The following HAL variants were observed in gnomAD, a reference collection of about 807,000 sequenced individuals.
The protein encoded by HAL is histidine ammonia-lyase.
In HAL, 85 loss-of-function variants were observed where a neutral mutation model predicts 81.1. The ratio of observed to expected loss-of-function variants is 1.05; its 90% CI spans 0.88 to 1.25. HAL has a LOEUF of 1.25. Ranked by LOEUF, HAL falls within the 50% of genes most tolerant of loss-of-function variation. The pLI is 0.00. For synonymous variants in HAL, 301 were observed against 309.2 expected, an observed-to-expected ratio of 0.97 and a Z score of 0.28; for missense variants, 798 against 836.6, an observed-to-expected ratio of 0.95 and a Z score of 0.57.
At chr12:95,985,998 A>T (rs1949882366) in intron 13 of HAL, 32 bp from the exon 14 acceptor site, 1 of 1,596,620 alleles carries the variant, frequency 6.3e-7, no homozygotes, top group African/African-American at 1.3e-5. Flanking sequence ...TGAGACAGGG[A>T]TCATGTTACC....
In HAL at chr12:95,978,069, T is replaced by A. The variant is rs1411275160; in HGVS notation, c.1529A>T (p.Asn510Ile). The A allele has an allele frequency of 1.9e-6, 3 of 1,613,766 alleles. No homozygotes were observed. The highest frequency in any genetic ancestry group is 4.5e-5 in the East Asian group (2 of 44,890). The change falls in exon 18 of 21, where the codon AAC (asparagine) becomes ATC (isoleucine). Residue 510 changes from asparagine (N) to isoleucine (I), a missense_variant. Transcript: ENST00000261208. The stretch of plus-strand genomic sequence containing the variant: ...AGACGAGGGATGGCACAGAGCCTTG[T>A]TCTCAGAAACTGCAAGAGACCAGTG... ...HCTAAALVSE[N>I]KALCHPSSVD...
Position 95,994,159 on chromosome 12 carries a change from G to A in HAL, c.342C>T (p.Ile114=), listed in dbSNP as rs1342020839. ...YSKYREPEKY[I]ELDGDRLTTE... ...TGGTCAGACGGTCTCCATCTAACTC[G>A]ATGTACTACACAAAAGAAGGGGATC... Residue 114 remains isoleucine (I), a synonymous_variant, in exon 5 of 21, where the codon ATC becomes ATT. Coordinates refer to ENST00000261208, the MANE Select transcript of HAL (RefSeq NM_002108.4). The A allele has an allele frequency of 5.0e-6, 8 of 1,609,432 alleles. No individual in the cohort carries two copies. The highest frequency in any genetic ancestry group is 1.3e-5 in the African/African-American group (1 of 74,926).
rs2080747424 is a variant in HAL at position 95,978,211 on chromosome 12, G to A, written c.1520-133C>T. 2.4e-5 allele frequency: 18 copies of A among 753,154 alleles called. No individual in the cohort carries two copies. In the South Asian group the frequency reaches 2.7e-4, roughly 11 times the overall value. The allele number at this position is 753,154 out of a possible 1,614,324, so 46.7% of individuals were successfully genotyped here. A position where few individuals can be genotyped will look rare whatever the true frequency, so the allele number is the denominator to read the frequency against. On this transcript the variant is annotated intron_variant, in intron 17 of 20. Coordinates refer to ENST00000261208, the MANE Select transcript of HAL (RefSeq NM_002108.4). Reference sequence around the variant, plus strand: ...GATCTTGGACATTATCCAAGCACCTGATGGTAGAAAGCTGCTTTGGGAAAA... The same window carrying A: ...GATCTTGGACATTATCCAAGCACCTAATGGTAGAAAGCTGCTTTGGGAAAA...
At chr12:95,978,711 C>T (rs2080755810) in intron 17 of HAL, among the ~76,000 whole-genome samples, 1 of 152,132 alleles carries the variant, frequency 6.6e-6, no homozygotes, top group Non-Finnish European at 1.5e-5. Flanking sequence ...TTCTAACGAG[C>T]TCTCAGGTGA....
chr12:95,994,032 A>C (rs1256562340), intron 5 of HAL, 34 bp from the exon 6 acceptor site: 1 of 1,600,608 alleles, frequency 6.2e-7, no homozygotes. Context: ...GAGCACGTTA[A>C]AGACTTCCAC....
chr12:95,995,496 TTG>T (rs918439959), intron 2 of HAL, among the ~76,000 whole-genome samples, 166 bp downstream of exon 2: 9 of 152,100 alleles, frequency 5.9e-5, no homozygotes, highest in African/African-American at 2.2e-4. Context: ...TCTCACAGGG[TTG>T]TGTGAGGACT....
rs2080745539 is a variant in HAL at position 95,978,082 on chromosome 12, C to T, written c.1520-4G>A. On this transcript the variant is annotated splice_polypyrimidine_tract_variant and splice_region_variant and intron_variant, in intron 17 of 20. Transcript: ENST00000261208. The stretch of plus-strand genomic sequence containing the variant: ...CACAGAGCCTTGTTCTCAGAAACTG[C>T]AAGAGACCAGTGCCAGTTAAGAAGT... The T allele has an allele frequency of 1.9e-6, 3 of 1,613,120 alleles. No individual in the cohort carries two copies. Among genetic ancestry groups the T allele is most frequent in the African/African-American group, 1.3e-5 (1 of 75,032 alleles).
chr12:95,976,579 G>A lies in HAL; in HGVS notation c.1763+19C>T. On this transcript the variant is annotated intron_variant, in intron 19 of 20. Transcript: ENST00000261208. ...CAGTGCTGAACTGATGTAATTTTCA[G>A]AGACCTGTTTGATCTTACCTTACAA... The A allele has an allele frequency of 6.3e-7, 1 of 1,596,036 alleles. No homozygotes were observed.
chr12:95,984,342 T>C (rs569692382), intron 14 of HAL, among the ~76,000 whole-genome samples: 9 of 152,342 alleles, frequency 5.9e-5, no homozygotes, highest in South Asian at 2.1e-4. Flanking sequence ...AGTTAAAAGA[T>C]AGGAAGACTT....
intron 9 of HAL, among the ~76,000 whole-genome samples, chr12:95,991,059 G>A (rs1320160721): frequency 2.6e-5 from 4 of 152,134 alleles, no homozygotes; most frequent in South Asian, 2.1e-4. Context: ...GCAGTGAGCC[G>A]AGATTGTGCC....
intron 9 of HAL, among the ~76,000 whole-genome samples, chr12:95,992,203 A>T (rs1949978489): frequency 6.6e-6 from 1 of 152,220 alleles, no homozygotes; most frequent in Non-Finnish European, 1.5e-5. Context: ...ACCTCTTTGC[A>T]TTTCTGTTCT....
At chr12:95,994,892 C>A in intron 3 of HAL, 41 bp downstream of exon 3, 1 of 1,603,878 alleles carries the variant, frequency 6.2e-7, no homozygotes, top group African/African-American at 1.3e-5. Flanking sequence ...TCTGCAGGAG[C>A]CACCCCCAGA....
In HAL at chr12:95,985,915, C is replaced by T. The variant is rs751687138; in HGVS notation, c.1199G>A (p.Cys400Tyr). Residue 400 changes from cysteine to tyrosine, a missense_variant, in exon 14 of 21, where the codon TGT (cysteine) becomes TAT (tyrosine). Cys to Tyr is a radical substitution (Grantham distance 194, BLOSUM62 -2). Coordinates refer to ENST00000261208, the MANE Select transcript of HAL (RefSeq NM_002108.4). Reference protein sequence around the residue: ...RVQDAYTLRCCPQVHGVVNDT... With the variant: ...RVQDAYTLRCYPQVHGVVNDT... The stretch of plus-strand genomic sequence containing the variant: ...TTTTTTTCTTTATTTTACCTGTGGA[C>T]AGCAGCGCAAGGTGTATGCATCCTG... 6.2e-7 allele frequency: 1 copy of T among 1,603,444 alleles called. No individual in the cohort carries two copies. The highest frequency in any genetic ancestry group is 8.5e-7 in the Non-Finnish European group (1 of 1,171,436).
At chr12:95,990,205 G>A (rs933105652) in intron 10 of HAL, 188 bp downstream of exon 10, 63 of 659,196 alleles carry the variant, frequency 9.6e-5, no homozygotes, top group Admixed American at 1.3e-4. Flanking sequence ...GCTGACAGCC[G>A]AGTATAGAAG....
chr12:95,985,927 G>A lies in HAL; in HGVS notation c.1187C>T (p.Thr396Ile), dbSNP rs757249428. 1.6e-5 allele frequency: 26 copies of A among 1,610,598 alleles called. No individual in the cohort carries two copies. The highest frequency in any genetic ancestry group is 2.0e-5 in the Non-Finnish European group (24 of 1,177,148). ...RFCDRVQDAYTLRCCPQVHGV... is the reference protein window; with the variant it reads ...RFCDRVQDAYILRCCPQVHGV... Reference sequence around the variant, plus strand: ...TTTTACCTGTGGACAGCAGCGCAAGGTGTATGCATCCTGGACGCGATCACA... The same window carrying A: ...TTTTACCTGTGGACAGCAGCGCAAGATGTATGCATCCTGGACGCGATCACA... Residue 396 changes from threonine (T) to isoleucine (I), a missense_variant, in exon 14 of 21, where the codon ACC (threonine) becomes ATC (isoleucine). Physicochemically the swap from Thr to Ile is moderately conservative, Grantham distance 89 (BLOSUM62 -1). Transcript: ENST00000261208.
chr12:95,987,360 A>G (rs1949904485), intron 11 of HAL, 146 bp from the exon 12 acceptor site: 2 of 718,822 alleles, frequency 2.8e-6, no homozygotes, highest in Non-Finnish European at 5.0e-6. Flanking sequence ...AAAGTGCGGG[A>G]CAGTAATGTT....
chr12:95,986,098 A>G lies in HAL; in HGVS notation c.1114T>C (p.Leu372=), dbSNP rs770331056. Residue 372 remains leucine, a synonymous_variant, in exon 13 of 21, where the codon TTG becomes CTG. Coordinates refer to ENST00000261208, the MANE Select transcript of HAL (RefSeq NM_002108.4). ...TCTGATGGGTGGTGATCTGAGTCCAAGAGTGACCGAAACCGAAAAGCAACT... is the reference window on the plus strand; with the variant it reads ...TCTGATGGGTGGTGATCTGAGTCCAGGAGTGACCGAAACCGAAAAGCAACT... ...IEVAFRFRSL[L]DSDHHPSEIA... is the part of the protein sequence containing the mutation. 2.5e-6 allele frequency: 4 copies of G among 1,613,002 alleles called. No individual in the cohort carries two copies. Among genetic ancestry groups the G allele is most frequent in the Admixed American group, 3.3e-5 (2 of 60,020 alleles).
chr12:95,983,158 C>T (rs139810589), intron 15 of HAL, among the ~76,000 whole-genome samples: 9 of 152,186 alleles, frequency 5.9e-5, no homozygotes, highest in Non-Finnish European at 1.3e-4. Context: ...GAGGCCGAGG[C>T]AGGTGGATCA....
chr12:95,975,732 T>C (rs1038969292), intron 20 of HAL, among the ~76,000 whole-genome samples: 3 of 152,136 alleles, frequency 2.0e-5, no homozygotes, highest in African/African-American at 7.2e-5. Context: ...CAGGGCATGC[T>C]TAGAAATAAT....
Sources: allele counts gnomAD v4.1 joint callset (sites outside exome capture counted in the v4.1 genomes callset), GRCh38; gene constraint gnomAD v4.1.1; transcripts MANE v1.5; gene names NCBI Gene and HGNC (gene_info 2026-07-23, HGNC 2026-07-21).